Variants in DCUN1D4 observed in about 807,000 individuals in gnomAD.
DCUN1D4 encodes the protein DCN1-like protein 4.
In DCUN1D4, 22 loss-of-function variants were observed where a neutral mutation model predicts 47.9. That is an observed-to-expected ratio of 0.46 (90% CI 0.33 to 0.66). The LOEUF (loss-of-function observed/expected upper bound fraction) is 0.66. Ranked by LOEUF, DCUN1D4 falls within the 30% of genes least tolerant of loss-of-function variation. DCUN1D4 has a pLI of 0.02. For synonymous variants in DCUN1D4, 121 were observed against 112.2 expected (o/e 1.08, Z -0.50); for missense variants, 301 against 340.8 (o/e 0.88, Z 0.92).
chr4:51,883,308 T>C (rs1728976557), intron 5 of DCUN1D4, among the ~76,000 whole-genome samples: 1 of 152,222 alleles, frequency 6.6e-6, no homozygotes. Context: ...TCATGTCTTA[T>C]CTGGTAAAGA....
Position 51,893,616 on chromosome 4 carries a change from G to A in DCUN1D4, c.506+1765G>A, listed in dbSNP as rs562861102. Among the ~76,000 whole-genome samples the A allele has an allele frequency of 1.2e-4, 18 of 152,136 alleles. No homozygotes were observed. The East Asian group carries it at 2.1e-3, about 18-fold the overall frequency. Reference sequence around the variant, plus strand: ...TGATTTTTGTATTTTTAGTAGAGACGGGGTTTCGCCATGTTGGCTAGGCTC... The same window carrying A: ...TGATTTTTGTATTTTTAGTAGAGACAGGGTTTCGCCATGTTGGCTAGGCTC... On this transcript the variant is annotated intron_variant, in intron 7 of 10. Transcript: ENST00000334635.
intron 5 of DCUN1D4, among the ~76,000 whole-genome samples, chr4:51,881,442 A>G (rs1357445924): frequency 1.3e-5 from 2 of 152,142 alleles, no homozygotes; most frequent in Non-Finnish European, 2.9e-5. Flanking sequence ...CTAAGAGACC[A>G]TGTGGGCCCC....
chr4:51,849,848 TGC>T (rs769866826), intron 1 of DCUN1D4, among the ~76,000 whole-genome samples: 17 of 151,686 alleles, frequency 1.1e-4, no homozygotes, highest in East Asian at 9.7e-4. Flanking sequence ...TGTGTGTGCG[TGC>T]GTGTGTGTGT....
chr4:51,837,592 T>G, the DCUN1D4 span, among the ~76,000 whole-genome samples: 2 of 130,422 alleles, frequency 1.5e-5, no homozygotes, highest in Non-Finnish European at 3.0e-5. Flanking sequence ...AAGGCGGAGC[T>G]TGCAGTGAGC....
At chr4:51,891,997 C>A in intron 7 of DCUN1D4, 146 bp downstream of exon 7, 1 of 623,768 alleles carries the variant, frequency 1.6e-6, no homozygotes, top group Non-Finnish European at 2.8e-6. Context: ...GATGTAAAGA[C>A]TAAGACCCAT....
At chr4:51,856,987 A>G (rs548851891) in intron 1 of DCUN1D4, among the ~76,000 whole-genome samples, 2 of 152,172 alleles carry the variant, frequency 1.3e-5, no homozygotes, top group Non-Finnish European at 2.9e-5. Flanking sequence ...CTCGTCTTCA[A>G]CTTCAGTTTA....
chr4:51,858,774 C>T (rs1194722190), intron 1 of DCUN1D4, among the ~76,000 whole-genome samples: 1 of 152,208 alleles, frequency 6.6e-6, no homozygotes, highest in African/African-American at 2.4e-5. Context: ...GGGGCAAATC[C>T]AGCCCTACCA....
intron 8 of DCUN1D4, among the ~76,000 whole-genome samples, chr4:51,904,400 G>T (rs1271126544): frequency 1.3e-5 from 2 of 152,060 alleles, no homozygotes; most frequent in African/African-American, 4.8e-5. Context: ...TGTGTATATG[G>T]CCAAAGACTG....
At chr4:51,911,416 CT>C (rs889740173) in intron 9 of DCUN1D4, among the ~76,000 whole-genome samples, 37 of 152,116 alleles carry the variant, frequency 2.4e-4, no homozygotes, top group African/African-American at 8.7e-4. Flanking sequence ...CAGCTCTGTC[CT>C]TTTCTCTCTT....
chr4:51,844,167 A>C (rs984383928), intron 1 of DCUN1D4, among the ~76,000 whole-genome samples: 3 of 138,002 alleles, frequency 2.2e-5, no homozygotes, highest in African/African-American at 8.4e-5. Flanking sequence ...GGTGGGGCGG[A>C]GTTGGGCAGG....
intron 6 of DCUN1D4, 162 bp downstream of exon 6, chr4:51,886,800 T>C: frequency 1.6e-6 from 1 of 610,038 alleles, no homozygotes; most frequent in Middle Eastern, 4.4e-4. Flanking sequence ...TATAAGCAGA[T>C]TCTCCATTCT....
intron 3 of DCUN1D4, among the ~76,000 whole-genome samples, chr4:51,871,494 G>A (rs1726893931): frequency 6.6e-6 from 1 of 152,150 alleles, no homozygotes; most frequent in Non-Finnish European, 1.5e-5. Context: ...TTTAAACAGT[G>A]TTCCTCTTCT....
At position 51,915,421 on chromosome 4, in the gene DCUN1D4, T is replaced by G. The variant is rs191143511; in HGVS notation, c.*1837T>G. 1.0e-3 allele frequency: 154 copies of G among 152,682 alleles called. No individual in the cohort carries two copies. The highest frequency in any genetic ancestry group is 3.5e-3 in the African/African-American group (144 of 41,570). 9.5% of individuals were successfully genotyped at this position (152,682 alleles called of 1,614,324 possible). A position where few individuals can be genotyped will look rare whatever the true frequency, so the allele number is the denominator to read the frequency against. On this transcript the variant is annotated 3_prime_UTR_variant, in exon 11 of 11. Transcript: ENST00000334635. ...TCAACCTTAAAAATTAATACCAGTT[T>G]GCATAAACCAATATCTGAAAAGAAC...
intron 8 of DCUN1D4, among the ~76,000 whole-genome samples, chr4:51,905,490 C>T (rs892781568): frequency 3.9e-5 from 6 of 152,204 alleles, no homozygotes; most frequent in African/African-American, 1.4e-4. Flanking sequence ...TTTTTGCCCT[C>T]AATATAAATT....
chr4:51,842,032 T>C (rs561489273), upstream of DCUN1D4, among the ~76,000 whole-genome samples: 12 of 152,120 alleles, frequency 7.9e-5, no homozygotes, highest in South Asian at 2.1e-3. Context: ...CGAAATATTG[T>C]TCTGTTACCA....
chr4:51,837,789 A>C, the DCUN1D4 span, among the ~76,000 whole-genome samples: 1 of 152,080 alleles, frequency 6.6e-6, no homozygotes, highest in African/African-American at 2.4e-5. Flanking sequence ...ACTGAAACAC[A>C]GATGTCAAAT....
chr4:51,897,827 C>T (rs528501907), intron 7 of DCUN1D4, among the ~76,000 whole-genome samples: 1 of 152,232 alleles, frequency 6.6e-6, no homozygotes, highest in South Asian at 2.1e-4. Flanking sequence ...AAAGTTTCTA[C>T]AATCAAAAAG....
chr4:51,861,059 A>G (rs2109883597), intron 1 of DCUN1D4, among the ~76,000 whole-genome samples: 1 of 152,340 alleles, frequency 6.6e-6, no homozygotes, highest in Admixed American at 6.5e-5. Flanking sequence ...AGGTATTGTA[A>G]TGGGTACCTG....
At chr4:51,882,144 C>T (rs1194804849) in intron 5 of DCUN1D4, among the ~76,000 whole-genome samples, 4 of 151,936 alleles carry the variant, frequency 2.6e-5, no homozygotes, top group Non-Finnish European at 5.9e-5. Context: ...CTAAAACACA[C>T]AGACACATGT....
Sources: gnomAD v4.1 joint callset for allele counts (sites outside exome capture counted in the v4.1 genomes callset) on GRCh38, gnomAD v4.1.1 for gene constraint, MANE v1.5 for transcripts, NCBI Gene and HGNC (gene_info 2026-07-23, HGNC 2026-07-21) for gene names.